TRAPPC9: variants seen among roughly 807,000 people sequenced by gnomAD.
TRAPPC9 encodes IKK2 binding protein.
TRAPPC9 carries 83 observed loss-of-function variants against 124.0 expected under a neutral mutation model. That is an observed-to-expected ratio of 0.67 (90% confidence interval 0.56 to 0.80). The LOEUF is 0.80. Among genes scored for constraint, TRAPPC9 ranks in the 30% least tolerant of loss-of-function variants. TRAPPC9 has a pLI of 0.00. For missense variants in TRAPPC9, 1,302 were observed against 1,508.3 expected (o/e 0.86, Z 2.27); for synonymous variants, 638 against 617.5 (o/e 1.03, Z -0.49).
chr8:140,252,553 TAAAG>T lies in TRAPPC9; in HGVS notation c.2431+220_2431+223del. 2 of 544,730 alleles carry T rather than the reference TAAAG, an allele frequency of 3.7e-6. No homozygotes were observed. Among genetic ancestry groups the T allele is most frequent in the South Asian group, 2.3e-5 (1 of 44,076 alleles). 33.7% of individuals were successfully genotyped at this position (544,730 alleles called of 1,614,324 possible). Reference sequence around the variant, plus strand: ...CTGCTGGTAAATGAGTACAAAATAATAAAGAGTGAGAATTAAATCATTTAGATAA... The same window carrying T: ...CTGCTGGTAAATGAGTACAAAATAATAGTGAGAATTAAATCATTTAGATAA... On this transcript the variant is annotated intron_variant, in intron 16 of 22. Coordinates refer to ENST00000438773, the MANE Select transcript of TRAPPC9 (RefSeq NM_001160372.4). This position sits in a 1 kb window ranked among gnomAD's most constrained non-coding sequence, Gnocchi z 4.2.
intron 12 of TRAPPC9, among the ~76,000 whole-genome samples, chr8:140,289,940 G>A (rs1474666347): frequency 6.6e-6 from 1 of 152,188 alleles, no homozygotes; most frequent in African/African-American, 2.4e-5. Context: ...TATGCCACGT[G>A]CTAGAGGCCT....
At chr8:139,741,433 G>A (rs1044297687) in intron 21 of TRAPPC9, among the ~76,000 whole-genome samples, 2 of 152,166 alleles carry the variant, frequency 1.3e-5, no homozygotes, top group African/African-American at 2.4e-5. Context: ...ACAGCAGTAG[G>A]TGCTGAGCCC....
Position 139,834,611 on chromosome 8 carries a change from C to T in TRAPPC9, c.3055+51268G>A, listed in dbSNP as rs1330525822. On this transcript the variant is annotated intron_variant, in intron 21 of 22. Coordinates refer to ENST00000438773, the MANE Select transcript of TRAPPC9 (RefSeq NM_001160372.4). ...CAGTGCACTAGTGGGGACGTTGTCG[C>T]CCCATCTCACAGCTGAGGGAGTTGA... Among the ~76,000 whole-genome samples, 4 of 152,116 alleles carry T rather than the reference C, an allele frequency of 2.6e-5. No individual in the cohort carries two copies. The East Asian group carries it at 7.7e-4, about 29-fold the overall frequency.
chr8:140,142,068 C>T (rs986461931), intron 17 of TRAPPC9, among the ~76,000 whole-genome samples: 2 of 152,208 alleles, frequency 1.3e-5, no homozygotes, highest in East Asian at 3.8e-4. Flanking sequence ...TCATCTGCAG[C>T]AGCATTCATG....
rs748544804 is a variant in TRAPPC9 at position 140,252,784 on chromosome 8, G to A, written c.2424C>T (p.Leu808=). 1.2e-6 allele frequency: 2 copies of A among 1,613,930 alleles called. No individual in the cohort carries two copies. Among genetic ancestry groups the A allele is most frequent in the Non-Finnish European group, 1.7e-6 (2 of 1,180,010 alleles). Reference sequence around the variant, plus strand: ...AATTAGGAAAGCGCTTACCATCACTGAGATCCTGCAGGAGATTCTCCTGGC... The same window carrying A: ...AATTAGGAAAGCGCTTACCATCACTAAGATCCTGCAGGAGATTCTCCTGGC... ...FSCQENLLQD[L]SDDGISVSGF... is the part of the protein sequence containing the mutation. Residue 808 remains leucine, a synonymous_variant, in exon 16 of 23, where the codon CTC becomes CTT. Transcript: ENST00000438773. This position sits in a 1 kb window ranked among gnomAD's most constrained non-coding sequence, Gnocchi z 4.2.
intron 20 of TRAPPC9, among the ~76,000 whole-genome samples, chr8:139,896,811 G>A (rs1259083326): frequency 2.0e-5 from 3 of 152,240 alleles, no homozygotes; most frequent in Non-Finnish European, 2.9e-5. Context: ...TTCCAGCCCA[G>A]AGGGAAGCCC....
intron 15 of TRAPPC9, among the ~76,000 whole-genome samples, chr8:140,272,521 G>A (rs546878692): frequency 6.6e-6 from 1 of 152,166 alleles, no homozygotes; most frequent in African/African-American, 2.4e-5. Context: ...TGGCAGTAGT[G>A]GCAAAAGTAG....
intron 19 of TRAPPC9, among the ~76,000 whole-genome samples, chr8:139,936,266 T>C (rs1389749931): frequency 1.3e-5 from 2 of 152,140 alleles, no homozygotes; most frequent in Non-Finnish European, 2.9e-5. Context: ...AGATGGAAAA[T>C]CCCAAACACC....
chr8:139,760,950 G>A (rs1184152114), intron 21 of TRAPPC9, among the ~76,000 whole-genome samples: 1 of 152,156 alleles, frequency 6.6e-6, no homozygotes, highest in East Asian at 1.9e-4. Context: ...TATCAGATGG[G>A]GTGGGTAGCT....
intron 21 of TRAPPC9, among the ~76,000 whole-genome samples, chr8:139,800,757 C>T (rs1823445019): frequency 6.6e-6 from 1 of 152,028 alleles, no homozygotes; most frequent in African/African-American, 2.4e-5. Context: ...TCTTCCCTCT[C>T]TCTGGTATCT....
At chr8:139,938,292 AT>A (rs966055757) in intron 19 of TRAPPC9, among the ~76,000 whole-genome samples, 11 of 149,734 alleles carry the variant, frequency 7.3e-5, no homozygotes, top group African/African-American at 2.5e-4. Flanking sequence ...GTCTATCTTT[AT>A]TTTTTTTTTG....
intron 22 of TRAPPC9, 140 bp downstream of exon 22, chr8:139,731,839 A>T: frequency 1.3e-6 from 1 of 791,268 alleles, no homozygotes; most frequent in Non-Finnish European, 2.1e-6. Context: ...ACTCAGACTC[A>T]GTGTGCACAC....
chr8:140,416,426 T>C (rs1478448392), intron 5 of TRAPPC9, among the ~76,000 whole-genome samples: 2 of 151,942 alleles, frequency 1.3e-5, no homozygotes. Context: ...AGGGACACAA[T>C]AATAGACAGA....
chr8:140,018,947 G>A (rs1230351197), intron 18 of TRAPPC9, among the ~76,000 whole-genome samples: 1 of 152,180 alleles, frequency 6.6e-6, no homozygotes, highest in African/African-American at 2.4e-5. Context: ...GGGGTTTCTT[G>A]TAGATGGCCT....
chr8:140,387,232 TTAAC>T (rs1375403020), intron 7 of TRAPPC9, among the ~76,000 whole-genome samples: 1 of 152,192 alleles, frequency 6.6e-6, no homozygotes, highest in Non-Finnish European at 1.5e-5. Flanking sequence ...AGCTAAGTCT[TTAAC>T]TAAACTTTAA....
At chr8:140,163,613 T>C (rs1054794247) in intron 17 of TRAPPC9, among the ~76,000 whole-genome samples, 5 of 152,216 alleles carry the variant, frequency 3.3e-5, no homozygotes, top group African/African-American at 2.4e-5. Flanking sequence ...GCATCTCACA[T>C]GGCAGCCAGC....
intron 17 of TRAPPC9, among the ~76,000 whole-genome samples, chr8:140,183,964 A>G (rs1219357232): frequency 3.3e-3 from 22 of 6,578 alleles, no homozygotes; most frequent in East Asian, 0.021. Context: ...GAGGGGAGGG[A>G]GGAGGGAGGA....
chr8:140,166,736 T>C (rs1340702251), intron 17 of TRAPPC9, among the ~76,000 whole-genome samples: 2 of 152,234 alleles, frequency 1.3e-5, no homozygotes, highest in Non-Finnish European at 2.9e-5. Flanking sequence ...TGCTGGTTTC[T>C]AGACACCTGC....
chr8:140,176,940 C>T (rs536980775), intron 17 of TRAPPC9, among the ~76,000 whole-genome samples: 30 of 152,262 alleles, frequency 2.0e-4, no homozygotes, highest in African/African-American at 5.3e-4. Flanking sequence ...TTGCCATGCA[C>T]GTATCTTCTT....
Sources: gnomAD v4.1 joint callset for allele counts (sites outside exome capture counted in the v4.1 genomes callset) on GRCh38, gnomAD v4.1.1 for gene constraint, Gnocchi (gnomAD v3.1) non-coding constraint, MANE v1.5 for transcripts, NCBI Gene and HGNC (gene_info 2026-07-23, HGNC 2026-07-21) for gene names.